The following WIPF3 variants were observed in gnomAD, a reference collection of about 807,000 sequenced individuals.
The protein encoded by WIPF3 is WAS/WASL-interacting protein family member 3.
In WIPF3, 33 loss-of-function variants were observed where a neutral mutation model predicts 38.9. The ratio of observed to expected loss-of-function variants is 0.85; its 90% CI spans 0.64 to 1.14. WIPF3 has a LOEUF of 1.14. Among genes scored for constraint, WIPF3 ranks in the 50% most tolerant of loss-of-function variants. The pLI, the probability that WIPF3 is intolerant of heterozygous loss-of-function variation, is 0.00. For missense variants in WIPF3, 711 were observed against 652.5 expected, an observed-to-expected ratio of 1.09 and a Z score of -0.98; for synonymous variants, 324 against 269.3, an observed-to-expected ratio of 1.20 and a Z score of -1.99.
At chr7:29,848,760 T>G (rs1300163349) in intron 2 of WIPF3, among the ~76,000 whole-genome samples, 1 of 152,208 alleles carries the variant, frequency 6.6e-6, no homozygotes, top group African/African-American at 2.4e-5. Flanking sequence ...TTGGATATGT[T>G]TTTAATAAGC....
At chr7:29,818,250 C>T (rs1358634005) in intron 1 of WIPF3, among the ~76,000 whole-genome samples, 1 of 151,890 alleles carries the variant, frequency 6.6e-6, no homozygotes, top group Non-Finnish European at 1.5e-5. Context: ...GTCAGGAGTT[C>T]AAGACCAGCC....
intron 2 of WIPF3, among the ~76,000 whole-genome samples, chr7:29,845,009 C>T (rs1784975897): frequency 6.6e-6 from 1 of 151,402 alleles, no homozygotes; most frequent in Admixed American, 6.6e-5. Context: ...AAGCTGCCTC[C>T]TGAGATTGCT....
chr7:29,868,037 C>G (rs1202145783), intron 2 of WIPF3, among the ~76,000 whole-genome samples: 1 of 152,002 alleles, frequency 6.6e-6, no homozygotes, highest in African/African-American at 2.4e-5. Context: ...TAATACTGGG[C>G]AAGATATGAG....
At chr7:29,910,719 T>C (rs1195961405) in intron 8 of WIPF3, among the ~76,000 whole-genome samples, 1 of 152,072 alleles carries the variant, frequency 6.6e-6, no homozygotes, top group Non-Finnish European at 1.5e-5. Flanking sequence ...TTGAACACCT[T>C]TTCATGATAA....
At chr7:29,897,159 A>C (rs1300189880) in intron 7 of WIPF3, among the ~76,000 whole-genome samples, 2 of 152,188 alleles carry the variant, frequency 1.3e-5, no homozygotes, top group East Asian at 3.8e-4. Context: ...AGCATATGTC[A>C]AAATTTATTT....
chr7:29,860,388 C>G (rs1163007230), intron 2 of WIPF3, among the ~76,000 whole-genome samples: 2 of 152,046 alleles, frequency 1.3e-5, no homozygotes, highest in African/African-American at 4.8e-5. Flanking sequence ...TTAGTTCCCT[C>G]CAAAGCTGGT....
intron 4 of WIPF3, among the ~76,000 whole-genome samples, chr7:29,880,307 T>C (rs959470009): frequency 1.3e-5 from 2 of 152,214 alleles, no homozygotes; most frequent in Non-Finnish European, 2.9e-5. Flanking sequence ...CTTCTGTGAC[T>C]GTTTAATGTT....
chr7:29,901,104 G>A (rs905434260), intron 7 of WIPF3, among the ~76,000 whole-genome samples: 2 of 152,222 alleles, frequency 1.3e-5, no homozygotes, highest in African/African-American at 4.8e-5. Context: ...CTGCTCTTAA[G>A]TGCAGTAGGT....
intron 2 of WIPF3, among the ~76,000 whole-genome samples, chr7:29,862,652 T>C (rs1029330381): frequency 2.0e-5 from 3 of 152,172 alleles, no homozygotes; most frequent in Non-Finnish European, 4.4e-5. Context: ...TTGGCCAGGG[T>C]GTAAGAGAGA....
At chr7:29,831,960 T>C (rs2128064905) in intron 1 of WIPF3, among the ~76,000 whole-genome samples, 1 of 152,320 alleles carries the variant, frequency 6.6e-6, no homozygotes, top group African/African-American at 2.4e-5. Flanking sequence ...TCTGCTGCAG[T>C]TCTCCTTAAA....
intron 1 of WIPF3, among the ~76,000 whole-genome samples, chr7:29,821,845 C>G (rs1216044825): frequency 1.3e-5 from 2 of 152,186 alleles, no homozygotes; most frequent in Non-Finnish European, 2.9e-5. Context: ...TCAACAATAC[C>G]TGTTTTCTTT....
chr7:29,866,624 T>C (rs1785392281), intron 2 of WIPF3, among the ~76,000 whole-genome samples: 1 of 152,288 alleles, frequency 6.6e-6, no homozygotes, highest in Non-Finnish European at 1.5e-5. Context: ...TCTCAGAGCC[T>C]GTCATTCAGC....
chr7:29,855,805 C>T (rs775607935), intron 2 of WIPF3, among the ~76,000 whole-genome samples: 2 of 152,192 alleles, frequency 1.3e-5, no homozygotes, highest in Non-Finnish European at 2.9e-5. Context: ...ACTCTACTGT[C>T]CCTTTATTAT....
intron 8 of WIPF3, among the ~76,000 whole-genome samples, chr7:29,908,951 T>A (rs1044412966): frequency 3.3e-5 from 5 of 151,552 alleles, no homozygotes; most frequent in Admixed American, 6.6e-5. Context: ...CAAAATATCT[T>A]TCCTAGCACA....
chr7:29,897,260 C>T (rs1478206923), intron 7 of WIPF3, among the ~76,000 whole-genome samples: 2 of 152,194 alleles, frequency 1.3e-5, no homozygotes, highest in East Asian at 3.8e-4. Flanking sequence ...CTGCTTCCAC[C>T]TCTTAACTTC....
At position 29,884,580 on chromosome 7, in the gene WIPF3, G is replaced by T. The variant is rs1269117268; in HGVS notation, c.1086G>T (p.Arg362Ser). The T allele has an allele frequency of 1.2e-6, 2 of 1,605,142 alleles. No homozygotes were observed. Among genetic ancestry groups the T allele is most frequent in the African/African-American group, 2.7e-5 (2 of 74,944 alleles). The change falls in exon 5 of 9, where the codon AGG becomes AGT. Residue 362 changes from arginine to serine, a missense_variant. Arg to Ser is a moderately radical substitution (Grantham distance 110). Coordinates refer to ENST00000242140, the MANE Select transcript of WIPF3 (RefSeq NM_001080529.3). ...PGSQPFLQKK[R>S]HGRPGAGGGK... is the part of the protein sequence containing the mutation. ...CCCAGCCGTTCCTGCAGAAGAAGAG[G>T]CATGGCCGACCAGGTAAGGAGCGCT...
chr7:29,855,055 A>C (rs1282304245), intron 2 of WIPF3, among the ~76,000 whole-genome samples: 1 of 152,208 alleles, frequency 6.6e-6, no homozygotes, highest in Non-Finnish European at 1.5e-5. Context: ...CTTTCTTAGC[A>C]AGCGTGTGCA....
At chr7:29,883,529 G>C (rs1438877898) in intron 4 of WIPF3, among the ~76,000 whole-genome samples, 1 of 152,152 alleles carries the variant, frequency 6.6e-6, no homozygotes, top group Non-Finnish European at 1.5e-5. Flanking sequence ...GATTAGGAAG[G>C]GCAAAAGACA....
At chr7:29,885,561 A>C (rs1265791675) in intron 5 of WIPF3, among the ~76,000 whole-genome samples, 1 of 152,224 alleles carries the variant, frequency 6.6e-6, no homozygotes, top group Non-Finnish European at 1.5e-5. Flanking sequence ...CGGTAATCCC[A>C]CTGCTTTGGG....
Sources: allele counts gnomAD v4.1 joint callset (sites outside exome capture counted in the v4.1 genomes callset), GRCh38; gene constraint gnomAD v4.1.1; transcripts MANE v1.5; gene names NCBI Gene and HGNC (gene_info 2026-07-23, HGNC 2026-07-21).